The following TRPM3 variants were observed in gnomAD, a reference collection of about 807,000 sequenced individuals.
The protein encoded by TRPM3 is long transient receptor potential channel 3.
Under a neutral mutation model 181.2 loss-of-function variants are expected in TRPM3, and 77 were observed. That is an observed-to-expected ratio of 0.42 (90% CI 0.35 to 0.51). The LOEUF (loss-of-function observed/expected upper bound fraction) is 0.51, where lower values mean the gene tolerates loss of function less well. TRPM3 is among the 20% of genes least tolerant of loss of function. The pLI, the probability that TRPM3 is intolerant of heterozygous loss-of-function variation, is 0.01. For missense variants in TRPM3, 1,759 were observed against 2,196.7 expected, an observed-to-expected ratio of 0.80 and a Z score of 3.98; for synonymous variants, 745 against 796.4, an observed-to-expected ratio of 0.94 and a Z score of 1.09.
chr9:71,020,477 G>GAAA (rs71367248), intron 1 of TRPM3, among the ~76,000 whole-genome samples: 1 of 113,690 alleles, frequency 8.8e-6, no homozygotes. Context: ...ACCCCGTCTT[G>GAAA]AAAAAAAAAA....
chr9:71,425,989 T>G (rs1441414676), intron 1 of TRPM3, among the ~76,000 whole-genome samples: 1 of 152,148 alleles, frequency 6.6e-6, no homozygotes, highest in Non-Finnish European at 1.5e-5. Flanking sequence ...ACAGCCTCAA[T>G]GTAACCTCTT....
chr9:71,032,035 TA>T (rs1565023287), intron 1 of TRPM3, among the ~76,000 whole-genome samples: 3 of 182 alleles, frequency 0.016, no homozygotes, highest in African/African-American at 0.054. Flanking sequence ...ATAATATAAA[TA>T]TATATATATA....
chr9:70,686,869 A>C (rs1590365197), intron 8 of TRPM3, among the ~76,000 whole-genome samples: 2 of 126,676 alleles, frequency 1.6e-5, no homozygotes, highest in Admixed American at 9.2e-5. Context: ...TCTGTCTCCC[A>C]GGCTGGAGTG....
Position 71,121,557 on chromosome 9 carries a change from T to C in TRPM3, c.-203A>G. 1 of 1,379,984 alleles carries C rather than the reference T, an allele frequency of 7.2e-7. No homozygotes were observed. The highest frequency in any genetic ancestry group is 9.3e-7 in the Non-Finnish European group (1 of 1,069,652). 85.5% of individuals were successfully genotyped at this position (1,379,984 alleles called of 1,614,324 possible). On this transcript the variant is annotated 5_prime_UTR_variant, in exon 1 of 26. Coordinates refer to ENST00000677713, the MANE Select transcript of TRPM3 (RefSeq NM_001366145.2). ...GCTTCGGGGAGGGGATGCACGATTTTGAAGAAGAGGGACAGCCTGCACAAA... is the reference window on the plus strand; with the variant it reads ...GCTTCGGGGAGGGGATGCACGATTTCGAAGAAGAGGGACAGCCTGCACAAA...
chr9:71,389,617 G>A (rs1367519190), intron 1 of TRPM3, among the ~76,000 whole-genome samples: 3 of 152,128 alleles, frequency 2.0e-5, no homozygotes, highest in Non-Finnish European at 4.4e-5. Flanking sequence ...TAAATAAACT[G>A]TGGTGTACAT....
rs1445644760 is a variant in TRPM3 at position 70,629,230 on chromosome 9, C to CG, written c.1633-3714_1633-3713insC. 9.1e-5 allele frequency among the ~76,000 whole-genome samples: 3 copies of CG among 32,828 alleles called. 1 individual carries two copies. The highest frequency in any genetic ancestry group is 2.3e-4 in the African/African-American group (3 of 13,298). 21.5% of individuals were successfully genotyped at this position (32,828 alleles called of 152,430 possible). A position where few individuals can be genotyped will look rare whatever the true frequency, so the allele number is the denominator to read the frequency against. Reference sequence around the variant, plus strand: ...TGACCAGTGCCGGGGGGGGGGGGGGCCTGCGTTCTGTTTGACCACAAGGGG... The same window carrying CG: ...TGACCAGTGCCGGGGGGGGGGGGGGCGCTGCGTTCTGTTTGACCACAAGGGG... On this transcript the variant is annotated intron_variant, in intron 12 of 25. Coordinates refer to ENST00000677713, the MANE Select transcript of TRPM3 (RefSeq NM_001366145.2).
chr9:70,742,561 ATCTC>A lies in TRPM3; in HGVS notation c.1272+19036_1272+19039del, dbSNP rs552465812. Reference sequence around the variant, plus strand: ...ACTGTGATTTTGTATCCTTTAACAAATCTCTCTCTATCCTTCCCTTAAAACATTT... The same window carrying A: ...ACTGTGATTTTGTATCCTTTAACAAATCTCTATCCTTCCCTTAAAACATTT... On this transcript the variant is annotated intron_variant, in intron 8 of 25. Transcript: ENST00000677713. Among the ~76,000 whole-genome samples the A allele has an allele frequency of 3.9e-5, 6 of 152,202 alleles. No homozygotes were observed. The South Asian group carries it at 1.2e-3, about 32-fold the overall frequency.
chr9:70,635,127 C>T (rs933416052), intron 12 of TRPM3, 84 bp downstream of exon 12: 2 of 1,186,232 alleles, frequency 1.7e-6, no homozygotes, highest in Admixed American at 1.8e-5. Context: ...AATACTCTGG[C>T]AGCTCATGCA....
At chr9:71,043,349 G>A (rs969299512) in intron 1 of TRPM3, among the ~76,000 whole-genome samples, 31 of 152,126 alleles carry the variant, frequency 2.0e-4, no homozygotes, top group African/African-American at 7.0e-4. Context: ...GCCTGGAAGA[G>A]TTTACCACAT....
At chr9:70,631,904 C>T (rs1164912452) in intron 12 of TRPM3, among the ~76,000 whole-genome samples, 1 of 152,286 alleles carries the variant, frequency 6.6e-6, no homozygotes, top group African/African-American at 2.4e-5. Flanking sequence ...GATAATTCCT[C>T]AATGCATTCC....
At chr9:70,661,881 C>T (rs1176479569) in intron 9 of TRPM3, among the ~76,000 whole-genome samples, 1 of 152,026 alleles carries the variant, frequency 6.6e-6, no homozygotes, top group Non-Finnish European at 1.5e-5. Flanking sequence ...ATGCAATTCC[C>T]ATCAAAATAC....
At chr9:70,835,643 GGTGACCCTAAGCAA>G (rs1457407597) in intron 5 of TRPM3, among the ~76,000 whole-genome samples, 1 of 151,948 alleles carries the variant, frequency 6.6e-6, no homozygotes, top group African/African-American at 2.4e-5. Flanking sequence ...TTGCCAGTTG[GGTGACCCTAAGCAA>G]GTTATTTATC....
intron 1 of TRPM3, among the ~76,000 whole-genome samples, chr9:71,379,575 TA>T (rs2092746876): frequency 1.3e-5 from 2 of 152,032 alleles, no homozygotes; most frequent in Admixed American, 6.6e-5. Flanking sequence ...ATACCTAAAA[TA>T]GCCTCACCCA....
chr9:70,958,064 A>G (rs754299175), intron 1 of TRPM3, among the ~76,000 whole-genome samples: 14 of 152,216 alleles, frequency 9.2e-5, no homozygotes, highest in Non-Finnish European at 1.8e-4. Flanking sequence ...AGAAAGGAAC[A>G]TGGGCTGACA....
At chr9:71,388,810 G>A (rs1310053733) in intron 1 of TRPM3, among the ~76,000 whole-genome samples, 1 of 152,082 alleles carries the variant, frequency 6.6e-6, no homozygotes, top group Non-Finnish European at 1.5e-5. Flanking sequence ...AGGAAATGCA[G>A]ATTTGCCATC....
At chr9:70,842,600 A>T (rs2094749658) in intron 5 of TRPM3, among the ~76,000 whole-genome samples, 1 of 152,126 alleles carries the variant, frequency 6.6e-6, no homozygotes, top group African/African-American at 2.4e-5. Flanking sequence ...AATTATAAAG[A>T]TGCTAGAGCC....
intron 1 of TRPM3, among the ~76,000 whole-genome samples, chr9:71,140,360 G>A (rs1266141233): frequency 1.3e-5 from 2 of 152,248 alleles, no homozygotes; most frequent in Non-Finnish European, 2.9e-5. Context: ...TATCTCCGGT[G>A]TTTTAAATTC....
At chr9:70,561,025 A>G (rs915762374) in intron 22 of TRPM3, among the ~76,000 whole-genome samples, 1 of 152,230 alleles carries the variant, frequency 6.6e-6, no homozygotes. Flanking sequence ...CCTTAAAAAT[A>G]TGGCAAAAAA....
chr9:70,841,215 T>C (rs989232068), intron 5 of TRPM3, among the ~76,000 whole-genome samples: 9 of 152,126 alleles, frequency 5.9e-5, no homozygotes, highest in African/African-American at 2.2e-4. Context: ...TAGCCTCAGA[T>C]ACTTTGAAGA....
Sources: gnomAD v4.1 joint callset for allele counts (sites outside exome capture counted in the v4.1 genomes callset) on GRCh38, gnomAD v4.1.1 for gene constraint, MANE v1.5 for transcripts, NCBI Gene and HGNC (gene_info 2026-07-23, HGNC 2026-07-21) for gene names.